VPS37A: variants seen among roughly 807,000 people sequenced by gnomAD.
VPS37A encodes vacuolar protein sorting-associated protein 37A.
Under a neutral mutation model 49.8 loss-of-function variants are expected in VPS37A, and 30 were observed. That is an observed-to-expected ratio of 0.60 (90% CI 0.45 to 0.82). The LOEUF (loss-of-function observed/expected upper bound fraction) is 0.82. Among genes scored for constraint, VPS37A ranks in the 40% least tolerant of loss-of-function variants. The pLI, the probability that VPS37A is intolerant of heterozygous loss-of-function variation, is 0.00. For missense variants in VPS37A, 593 were observed against 464.4 expected, an observed-to-expected ratio of 1.28 and a Z score of -2.55; for synonymous variants, 195 against 160.6, an observed-to-expected ratio of 1.21 and a Z score of -1.62.
chr8:17,276,516 C>A lies in VPS37A; in HGVS notation c.713+49C>A, dbSNP rs183717277. The A allele has an allele frequency of 2.6e-6, 4 of 1,510,014 alleles. No individual in the cohort carries two copies. The East Asian group carries it at 9.1e-5, about 34-fold the overall frequency. 93.5% of individuals were successfully genotyped at this position (1,510,014 alleles called of 1,614,324 possible). A position where few individuals can be genotyped will look rare whatever the true frequency, so the allele number is the denominator to read the frequency against. On this transcript the variant is annotated intron_variant, in intron 6 of 11. Coordinates refer to ENST00000324849, the MANE Select transcript of VPS37A (RefSeq NM_152415.3). Reference sequence around the variant, plus strand: ...TCACATTGTCTATTTTATTTGTAAGCATAAACCAGATTATTATTTCATATC... The same window carrying A: ...TCACATTGTCTATTTTATTTGTAAGAATAAACCAGATTATTATTTCATATC...
chr8:17,317,390 C>T, the VPS37A span, among the ~76,000 whole-genome samples: 18 of 152,310 alleles, frequency 1.2e-4, no homozygotes, highest in African/African-American at 2.2e-4. Context: ...GAGTGCATCA[C>T]GTTGGATGCC....
intron 11 of VPS37A, among the ~76,000 whole-genome samples, chr8:17,290,575 T>C (rs1478039513): frequency 6.6e-6 from 1 of 152,212 alleles, no homozygotes; most frequent in East Asian, 1.9e-4. Flanking sequence ...CTGGATTCAG[T>C]TTGCCAGTAC....
chr8:17,296,425 C>G lies in VPS37A; in HGVS notation c.*1439C>G, dbSNP rs989725531. ...GTAGATAACTGAGGTAAGAGTGTTT[C>G]AAATTTATGATAGTCTTTTGGGTAT... On this transcript the variant is annotated 3_prime_UTR_variant, in exon 12 of 12. Transcript: ENST00000324849. The G allele has an allele frequency of 6.6e-5, 10 of 152,184 alleles. No individual in the cohort carries two copies. The highest frequency in any genetic ancestry group is 2.4e-4 in the African/African-American group (10 of 41,554). 9.4% of individuals were successfully genotyped at this position (152,184 alleles called of 1,614,324 possible).
At chr8:17,276,550 T>C (rs1814531810) in intron 6 of VPS37A, 83 bp downstream of exon 6, 1 of 1,359,582 alleles carries the variant, frequency 7.4e-7, no homozygotes, top group African/African-American at 1.5e-5. Context: ...TCCATATAAA[T>C]TAAAGTTTAA....
chr8:17,328,840 T>C, the VPS37A span, among the ~76,000 whole-genome samples: 1 of 152,240 alleles, frequency 6.6e-6, no homozygotes, highest in Non-Finnish European at 1.5e-5. Context: ...GCTTGCTATG[T>C]GACTGAAAGG....
chr8:17,314,011 G>C, the VPS37A span, among the ~76,000 whole-genome samples: 7 of 152,102 alleles, frequency 4.6e-5, no homozygotes, highest in Non-Finnish European at 7.4e-5. Context: ...CTTTCCCTTT[G>C]AGTGAAAATG....
At position 17,273,188 on chromosome 8, in the gene VPS37A, T is replaced by G. The variant is rs1203897318; in HGVS notation, c.417-1545T>G. On this transcript the variant is annotated intron_variant, in intron 4 of 11. Transcript: ENST00000324849. ...TGTCTTTAGCAAGCCTGACAGATAT[T>G]TTCATGTTTTCTAACCCTCCCTCAA... 3.3e-5 allele frequency among the ~76,000 whole-genome samples: 5 copies of G among 152,104 alleles called. No individual in the cohort carries two copies. The East Asian group carries it at 9.7e-4, about 29-fold the overall frequency.
At chr8:17,287,530 T>G (rs1365095263) in intron 11 of VPS37A, among the ~76,000 whole-genome samples, 1 of 151,952 alleles carries the variant, frequency 6.6e-6, no homozygotes, top group Admixed American at 6.6e-5. Context: ...AAAAAAATAT[T>G]AGCCGGGCAT....
intron 1 of VPS37A, chr8:17,248,368 A>T (rs1811610661): frequency 2.2e-6 from 1 of 454,946 alleles, no homozygotes. Context: ...GGATTCAAGC[A>T]ATCATCCTCC....
the VPS37A span, among the ~76,000 whole-genome samples, chr8:17,330,956 G>A: frequency 6.6e-6 from 1 of 152,166 alleles, no homozygotes; most frequent in Non-Finnish European, 1.5e-5. Context: ...ACCACCAAGC[G>A]ACAAAACCAC....
chr8:17,310,267 C>T, the VPS37A span, among the ~76,000 whole-genome samples: 1 of 152,076 alleles, frequency 6.6e-6, no homozygotes. Context: ...TCCCAAAATG[C>T]TGGGATTACA....
intron 11 of VPS37A, among the ~76,000 whole-genome samples, chr8:17,293,275 C>T (rs996332718): frequency 1.3e-5 from 2 of 151,492 alleles, no homozygotes; most frequent in African/African-American, 4.9e-5. Context: ...TCATGAAGTT[C>T]TCGTGCTGTG....
intron 1 of VPS37A, among the ~76,000 whole-genome samples, chr8:17,256,630 TTTTATTTATTTA>T (rs141925092): frequency 3.2e-4 from 47 of 145,420 alleles, no homozygotes; most frequent in South Asian, 1.3e-3. Context: ...GCTGTGTAGG[TTTTATTTATTTA>T]TTTATTTATT....
intron 1 of VPS37A, among the ~76,000 whole-genome samples, chr8:17,249,813 T>C (rs930673541): frequency 2.0e-5 from 3 of 152,158 alleles, no homozygotes; most frequent in Non-Finnish European, 4.4e-5. Flanking sequence ...TTAATCAAAG[T>C]TTTACACTGC....
chr8:17,291,795 T>A (rs1485102845), intron 11 of VPS37A, among the ~76,000 whole-genome samples: 1 of 152,178 alleles, frequency 6.6e-6, no homozygotes, highest in African/African-American at 2.4e-5. Context: ...TTTGAGTGAG[T>A]TTCTTAATCC....
At chr8:17,267,588 C>T (rs1423569971) in intron 2 of VPS37A, among the ~76,000 whole-genome samples, 1 of 151,982 alleles carries the variant, frequency 6.6e-6, no homozygotes, top group Non-Finnish European at 1.5e-5. Flanking sequence ...AGAACCAAGT[C>T]TTGATGACAG....
At chr8:17,309,311 C>G in the VPS37A span, 1 of 1,566,498 alleles carries the variant, frequency 6.4e-7, no homozygotes, top group Admixed American at 1.7e-5. Flanking sequence ...GAAATCCAGT[C>G]CTTTTCAATT....
intron 4 of VPS37A, among the ~76,000 whole-genome samples, chr8:17,274,441 G>T (rs1182294045): frequency 6.6e-6 from 1 of 151,822 alleles, no homozygotes; most frequent in African/African-American, 2.4e-5. Context: ...CTCAAAAATG[G>T]CCTGTCTATC....
At chr8:17,299,749 A>G, downstream of VPS37A, 1 of 1,447,512 alleles carries the variant, frequency 6.9e-7, no homozygotes, top group Non-Finnish European at 9.4e-7. Context: ...GCTGCATTAA[A>G]GTAGTTCTCA....
Sources: gnomAD v4.1 joint callset for allele counts (sites outside exome capture counted in the v4.1 genomes callset) on GRCh38, gnomAD v4.1.1 for gene constraint, MANE v1.5 for transcripts, NCBI Gene and HGNC (gene_info 2026-07-23, HGNC 2026-07-21) for gene names.